Variants in FGFR2 observed in about 807,000 individuals in gnomAD.
The protein encoded by FGFR2 is BEK fibroblast growth factor receptor.
FGFR2 carries 19 observed loss-of-function variants against 95.9 expected under a neutral mutation model. That is an observed-to-expected ratio of 0.20 (90% CI 0.14 to 0.29). The LOEUF (loss-of-function observed/expected upper bound fraction) is 0.29. FGFR2 is among the 10% of genes least tolerant of loss of function. The pLI, the probability that FGFR2 is intolerant of heterozygous loss-of-function variation, is 1.00. For synonymous variants in FGFR2, 392 were observed against 393.3 expected, an observed-to-expected ratio of 1.00 and a Z score of 0.04; for missense variants, 707 against 1,056.9, an observed-to-expected ratio of 0.67 and a Z score of 4.59.
chr10:121,497,466 G>A (rs564517653), intron 12 of FGFR2, among the ~76,000 whole-genome samples: 5 of 152,288 alleles, frequency 3.3e-5, no homozygotes, highest in Admixed American at 2.0e-4. Flanking sequence ...TTTGGAACCT[G>A]TTGGGCTTAT....
At chr10:121,550,482 T>G (rs1855218863) in intron 5 of FGFR2, among the ~76,000 whole-genome samples, 1 of 152,194 alleles carries the variant, frequency 6.6e-6, no homozygotes. Flanking sequence ...TAGGGAGTGA[T>G]GAGACTAAAA....
chr10:121,519,178 T>G (rs556019560), intron 7 of FGFR2, among the ~76,000 whole-genome samples: 1 of 152,162 alleles, frequency 6.6e-6, no homozygotes, highest in South Asian at 2.1e-4. Flanking sequence ...ACTGGAAGAA[T>G]GTTCTTCTTA....
intron 5 of FGFR2, among the ~76,000 whole-genome samples, chr10:121,550,819 T>C (rs989599531): frequency 2.0e-5 from 3 of 152,138 alleles, no homozygotes; most frequent in African/African-American, 4.8e-5. Context: ...TCCGGGGTAA[T>C]ATTTTTTTTT....
chr10:121,489,838 C>T (rs1429175255), intron 13 of FGFR2, among the ~76,000 whole-genome samples: 4 of 152,248 alleles, frequency 2.6e-5, no homozygotes, highest in Admixed American at 1.3e-4. Context: ...GTCTGCCCCT[C>T]CCCCTGAGAC....
At chr10:121,546,305 A>G (rs1211794382) in intron 5 of FGFR2, among the ~76,000 whole-genome samples, 2 of 152,144 alleles carry the variant, frequency 1.3e-5, no homozygotes, top group Non-Finnish European at 2.9e-5. Flanking sequence ...TATTCAGCCA[A>G]TCTTCCCATT....
chr10:121,496,682 G>A lies in FGFR2; in HGVS notation c.1713C>T (p.Asn571=), dbSNP rs1324599209. The A allele has an allele frequency of 5.6e-6, 9 of 1,612,156 alleles. No homozygotes were observed. Among genetic ancestry groups the A allele is most frequent in the East Asian group, 2.2e-5 (1 of 44,864 alleles). ...TCCGGGCTCGGAGGTATTCTCGGAG[G>A]TTGCCTTTAGAGGCATACTCAACTA... ...YVIVEYASKG[N]LREYLRARRP... is the part of the protein sequence containing the mutation. Residue 571 remains asparagine (N), a synonymous_variant, in exon 13 of 18, where the codon AAC becomes AAT. Coordinates refer to ENST00000358487, the MANE Select transcript of FGFR2 (RefSeq NM_000141.5).
intron 2 of FGFR2, among the ~76,000 whole-genome samples, chr10:121,580,187 T>C (rs1261208604): frequency 3.3e-5 from 5 of 152,194 alleles, no homozygotes; most frequent in Non-Finnish European, 7.4e-5. Flanking sequence ...TTAAGAGTTA[T>C]TCCAGGAGGG....
At chr10:121,561,347 C>G (rs1490767683) in intron 4 of FGFR2, among the ~76,000 whole-genome samples, 1 of 151,496 alleles carries the variant, frequency 6.6e-6, no homozygotes. Context: ...TTGCTTGAAC[C>G]CGGGAGGCAG....
At position 121,547,949 on chromosome 10, in the gene FGFR2, A is replaced by T. The variant is rs1854768176; in HGVS notation, c.624+3341T>A. Among the ~76,000 whole-genome samples the T allele has an allele frequency of 2.0e-5, 3 of 152,294 alleles. No individual in the cohort carries two copies. The South Asian group carries it at 6.2e-4, about 32-fold the overall frequency. On this transcript the variant is annotated intron_variant, in intron 5 of 17. Coordinates refer to ENST00000358487, the MANE Select transcript of FGFR2 (RefSeq NM_000141.5). ...CATTAGCGAAGATGATGCCTTAGGT[A>T]ACTGAAGGAACCTTCCCAGGAGATG...
chr10:121,484,505 C>T (rs986060401), intron 16 of FGFR2, among the ~76,000 whole-genome samples: 1 of 152,172 alleles, frequency 6.6e-6, no homozygotes. Flanking sequence ...ATTCATCAGA[C>T]ATCCACGGTA....
At chr10:121,561,114 C>G (rs1020890985) in intron 4 of FGFR2, among the ~76,000 whole-genome samples, 2 of 152,132 alleles carry the variant, frequency 1.3e-5, no homozygotes, top group South Asian at 4.2e-4. Context: ...CTACCAATAT[C>G]TATTTTATCT....
At chr10:121,497,235 C>T (rs577814373) in intron 12 of FGFR2, among the ~76,000 whole-genome samples, 11 of 152,060 alleles carry the variant, frequency 7.2e-5, no homozygotes, top group African/African-American at 2.7e-4. Flanking sequence ...TAAATAAGCC[C>T]TTGGTCATGA....
intron 5 of FGFR2, among the ~76,000 whole-genome samples, chr10:121,539,963 A>G (rs1853448776): frequency 6.6e-6 from 1 of 152,248 alleles, no homozygotes; most frequent in Non-Finnish European, 1.5e-5. Flanking sequence ...CGAAGAGCAC[A>G]CTGGAGTGCC....
chr10:121,504,903 C>G (rs1315899132), intron 9 of FGFR2, among the ~76,000 whole-genome samples: 1 of 152,226 alleles, frequency 6.6e-6, no homozygotes, highest in Non-Finnish European at 1.5e-5. Context: ...AGTCTGACCA[C>G]AGGCTGCTTG....
In FGFR2 at chr10:121,531,626, T is replaced by A. The variant is rs1248790918; in HGVS notation, c.748+6966A>T. On this transcript the variant is annotated intron_variant, in intron 6 of 17. Transcript: ENST00000358487. The surrounding 1 kb of genome is among the most constrained non-coding windows in gnomAD (Gnocchi z 4.5). Reference sequence around the variant, plus strand: ...TAAAAGCGCTGCCTCTCCTACCACCTCCTCCTCCCCATAGTGCTACAAGGA... The same window carrying A: ...TAAAAGCGCTGCCTCTCCTACCACCACCTCCTCCCCATAGTGCTACAAGGA... 6.6e-6 allele frequency among the ~76,000 whole-genome samples: 1 copy of A among 151,898 alleles called. No homozygotes were observed. Among genetic ancestry groups the A allele is most frequent in the Non-Finnish European group, 1.5e-5 (1 of 68,002 alleles).
intron 5 of FGFR2, among the ~76,000 whole-genome samples, chr10:121,550,055 A>G (rs1161156637): frequency 6.6e-6 from 1 of 152,206 alleles, no homozygotes; most frequent in Non-Finnish European, 1.5e-5. Flanking sequence ...TCATATGCTC[A>G]ATTATTACAG....
intron 13 of FGFR2, 97 bp downstream of exon 13, chr10:121,496,435 G>A: frequency 8.7e-7 from 1 of 1,147,826 alleles, no homozygotes; most frequent in Non-Finnish European, 1.3e-6. Context: ...ACATGCGAGG[G>A]CTTGATCTAG....
intron 15 of FGFR2, among the ~76,000 whole-genome samples, chr10:121,486,709 G>A (rs1845458054): frequency 6.6e-6 from 1 of 152,136 alleles, no homozygotes; most frequent in South Asian, 2.1e-4. Context: ...CAAAGTGCTG[G>A]GATTGATTAC....
intron 6 of FGFR2, among the ~76,000 whole-genome samples, chr10:121,527,499 T>C (rs1851530961): frequency 6.6e-6 from 1 of 152,152 alleles, no homozygotes; most frequent in Admixed American, 6.6e-5. Flanking sequence ...ATAATGATAA[T>C]TGCAAAACAA....
Sources: allele counts gnomAD v4.1 joint callset (sites outside exome capture counted in the v4.1 genomes callset), GRCh38; gene constraint gnomAD v4.1.1; non-coding constraint Gnocchi (gnomAD v3.1); transcripts MANE v1.5; gene names NCBI Gene and HGNC (gene_info 2026-07-23, HGNC 2026-07-21).